The following ADAM28 variants were observed in gnomAD, a reference collection of about 807,000 sequenced individuals.
The protein encoded by ADAM28 is disintegrin and metalloproteinase domain-containing protein 28.
ADAM28 carries 105 observed loss-of-function variants against 101.2 expected under a neutral mutation model. That is an observed-to-expected ratio of 1.04 (90% CI 0.89 to 1.22). The LOEUF (loss-of-function observed/expected upper bound fraction) is 1.22. Ranked by LOEUF, ADAM28 falls within the 50% of genes most tolerant of loss-of-function variation. ADAM28 has a pLI of 0.00. For missense variants in ADAM28, 1,028 were observed against 945.4 expected (o/e 1.09, Z -1.15); for synonymous variants, 322 against 310.6 (o/e 1.04, Z -0.39).
Position 24,351,219 on chromosome 8 carries a change from T to C in ADAM28, c.2100-13T>C. The C allele has an allele frequency of 6.4e-7, 1 of 1,550,620 alleles. No homozygotes were observed. On this transcript the variant is annotated splice_polypyrimidine_tract_variant and intron_variant, in intron 19 of 22. Coordinates refer to ENST00000265769, the MANE Select transcript of ADAM28 (RefSeq NM_014265.6). ...TGCTAAGTCAATTGATATCATGTGT[T>C]TCTCTCTTACAGGCCACTATCTACC...
chr8:24,354,555 A>C lies in ADAM28; in HGVS notation c.*151A>C, dbSNP rs1452817312. On this transcript the variant is annotated 3_prime_UTR_variant, in exon 23 of 23. Transcript: ENST00000265769. The stretch of plus-strand genomic sequence containing the variant: ...CTGATTCATGTTAGACTTTGAAGAG[A>C]CTAAAGAAAATTTTCAAGAGGAACA... The C allele has an allele frequency of 4.4e-6, 4 of 899,828 alleles. No individual in the cohort carries two copies. The African/African-American group carries it at 7.1e-5, about 16-fold the overall frequency. The allele number at this position is 899,828 out of a possible 1,614,324, so 55.7% of individuals were successfully genotyped here.
chr8:24,323,983 T>A lies in ADAM28; in HGVS notation c.870T>A (p.His290Gln). The A allele has an allele frequency of 6.2e-7, 1 of 1,611,966 alleles. No individual in the cohort carries two copies. Among genetic ancestry groups the A allele is most frequent in the Non-Finnish European group, 8.5e-7 (1 of 1,178,638 alleles). The change falls in exon 9 of 23, where the codon CAT (histidine) becomes CAA (glutamine). Residue 290 changes from histidine to glutamine, a missense_variant. Coordinates refer to ENST00000265769, the MANE Select transcript of ADAM28 (RefSeq NM_014265.6). ...GTGTTCTCTCAAGAAGAAAGCGTCA[T>A]GATATTGCTCAGTTAATCACGTATG... ...RGSVLSRRKR[H>Q]DIAQLITATE... is the part of the protein sequence containing the mutation.
chr8:24,342,071 TA>T (rs1814846619), intron 16 of ADAM28, among the ~76,000 whole-genome samples: 1 of 152,218 alleles, frequency 6.6e-6, no homozygotes. Flanking sequence ...AGCATCCGTT[TA>T]ACTTTCATAG....
chr8:24,351,415 C>A, intron 20 of ADAM28, 105 bp downstream of exon 20: 1 of 1,203,492 alleles, frequency 8.3e-7, no homozygotes, highest in Non-Finnish European at 1.2e-6. Flanking sequence ...CAGCGTTTTG[C>A]AGTAACACAT....
Position 24,335,602 on chromosome 8 carries a change from C to A in ADAM28, c.1528C>A (p.Pro510Thr), listed in dbSNP as rs1563311721. ...GGGCCACTGCTTGATGGGGACATGC[C>A]CCACACTGCAGGAGCAGTGCACAGA... ...GKGHCLMGTC[P>T]TLQEQCTELW... The change falls in exon 14 of 23, where the codon CCC becomes ACC. Residue 510 changes from proline to threonine, a missense_variant. Physicochemically the swap from Pro to Thr is conservative, Grantham distance 38. Coordinates refer to ENST00000265769, the MANE Select transcript of ADAM28 (RefSeq NM_014265.6). The A allele has an allele frequency of 1.2e-6, 2 of 1,613,140 alleles. No homozygotes were observed. The highest frequency in any genetic ancestry group is 4.5e-5 in the East Asian group (2 of 44,806).
At chr8:24,321,560 A>C in intron 8 of ADAM28, 1 of 403,124 alleles carries the variant, frequency 2.5e-6, no homozygotes, top group South Asian at 2.4e-5. Context: ...TTTTCCAAAA[A>C]TCCGCTAAGA....
rs145879763 is a variant in ADAM28 at position 24,313,481 on chromosome 8, C to A, written c.477C>A (p.Asn159Lys). 154 of 1,613,852 alleles carry A rather than the reference C, an allele frequency of 9.5e-5. No individual in the cohort carries two copies. In the African/African-American group the frequency reaches 1.7e-3, roughly 18 times the overall value. ...DGQEHALFKYNPDEKNYDSTC... is the reference protein window; with the variant it reads ...DGQEHALFKYKPDEKNYDSTC... ...AGGAGCATGCACTCTTCAAGTATAA[C>A]CCTGATGAAAAGAATTATGACAGCA... The change falls in exon 6 of 23, where the codon AAC becomes AAA. Residue 159 changes from asparagine (N) to lysine (K), a missense_variant. Coordinates refer to ENST00000265769, the MANE Select transcript of ADAM28 (RefSeq NM_014265.6).
rs765718762 is a variant in ADAM28 at position 24,330,118 on chromosome 8, G to A, written c.1103+3G>A. On this transcript the variant is annotated splice_donor_region_variant and intron_variant, in intron 11 of 22. Transcript: ENST00000265769. ...TGTGTGATGGACAAAGCACTGAGGT[G>A]AGGCTCTCTGGGCCCTGGGGACATG... 3 of 1,612,168 alleles carry A rather than the reference G, an allele frequency of 1.9e-6. No homozygotes were observed. The highest frequency in any genetic ancestry group is 2.2e-5 in the South Asian group (2 of 90,938).
chr8:24,299,526 G>A (rs992281542), intron 1 of ADAM28, among the ~76,000 whole-genome samples: 2 of 152,086 alleles, frequency 1.3e-5, no homozygotes, highest in African/African-American at 4.8e-5. Context: ...TAAAAATTGT[G>A]CACATTAGTT....
At chr8:24,304,288 G>C (rs1057390771) in intron 2 of ADAM28, among the ~76,000 whole-genome samples, 1 of 150,354 alleles carries the variant, frequency 6.7e-6, no homozygotes, top group African/African-American at 2.5e-5. Context: ...TAATGTGCTT[G>C]ATATTTACTG....
At chr8:24,303,732 C>A (rs2129243361) in intron 2 of ADAM28, among the ~76,000 whole-genome samples, 1 of 152,246 alleles carries the variant, frequency 6.6e-6, no homozygotes, top group South Asian at 2.1e-4. Context: ...TTACTGTGGG[C>A]AGTATGGCTA....
chr8:24,336,586 A>G (rs866057167), intron 14 of ADAM28, among the ~76,000 whole-genome samples: 1 of 138,178 alleles, frequency 7.2e-6, no homozygotes, highest in Non-Finnish European at 1.6e-5. Context: ...TCTCCAAAAA[A>G]AAAAAAAAAA....
intron 18 of ADAM28, among the ~76,000 whole-genome samples, chr8:24,344,960 GAA>G (rs1261748500): frequency 6.6e-6 from 1 of 150,542 alleles, no homozygotes; most frequent in African/African-American, 2.4e-5. Context: ...AGGTTTGATT[GAA>G]TTTGATTTTT....
In ADAM28 at chr8:24,357,571, A is replaced by T. The variant is rs1248051438; in HGVS notation, c.*3167A>T. 3.3e-5 allele frequency: 5 copies of T among 152,152 alleles called. No individual in the cohort carries two copies. Among genetic ancestry groups the T allele is most frequent in the African/African-American group, 4.8e-5 (2 of 41,452 alleles). 9.4% of individuals were successfully genotyped at this position (152,152 alleles called of 1,614,324 possible). A position where few individuals can be genotyped will look rare whatever the true frequency, so the allele number is the denominator to read the frequency against. ...GAGAGCTTACTATCTCGACAAAAGC[A>T]TGGGGGAAACCACCCCCATGATCCA... On this transcript the variant is annotated 3_prime_UTR_variant, in exon 23 of 23. Coordinates refer to ENST00000265769, the MANE Select transcript of ADAM28 (RefSeq NM_014265.6).
chr8:24,348,828 C>A (rs1267774344), intron 18 of ADAM28, among the ~76,000 whole-genome samples: 1 of 152,180 alleles, frequency 6.6e-6, no homozygotes, highest in African/African-American at 2.4e-5. Flanking sequence ...TTGTGAAGTA[C>A]TGCCAAATTC....
intron 18 of ADAM28, among the ~76,000 whole-genome samples, chr8:24,346,597 C>T (rs981821854): frequency 6.6e-6 from 1 of 152,000 alleles, no homozygotes. Context: ...TACGACATGG[C>T]CATACACAGC....
intron 1 of ADAM28, among the ~76,000 whole-genome samples, chr8:24,298,420 A>T (rs1808266427): frequency 1.3e-5 from 2 of 152,148 alleles, no homozygotes; most frequent in African/African-American, 4.8e-5. Context: ...AGTAATTTTT[A>T]AAAAACGCTG....
chr8:24,344,252 T>G (rs1013938697), intron 18 of ADAM28, among the ~76,000 whole-genome samples: 3 of 147,572 alleles, frequency 2.0e-5, no homozygotes, highest in African/African-American at 7.3e-5. Flanking sequence ...GAGGAACATT[T>G]TACCCTGAGG....
At chr8:24,329,607 A>G (rs1054541474) in intron 10 of ADAM28, among the ~76,000 whole-genome samples, 1 of 152,128 alleles carries the variant, frequency 6.6e-6, no homozygotes, top group Non-Finnish European at 1.5e-5. Flanking sequence ...CTGATGAACA[A>G]TTTTAGATCC....
Sources: gnomAD v4.1 joint callset for allele counts (sites outside exome capture counted in the v4.1 genomes callset) on GRCh38, gnomAD v4.1.1 for gene constraint, MANE v1.5 for transcripts, NCBI Gene and HGNC (gene_info 2026-07-23, HGNC 2026-07-21) for gene names.